The following DHX33 variants were observed in gnomAD, a reference collection of about 807,000 sequenced individuals.
DHX33 encodes ATP-dependent RNA helicase DHX33.
A neutral mutation model predicts 72.5 loss-of-function variants in DHX33; 42 were observed. That is an observed-to-expected ratio of 0.58 (90% CI 0.45 to 0.75). The LOEUF (loss-of-function observed/expected upper bound fraction) is 0.75. DHX33 is among the 30% of genes least tolerant of loss of function. DHX33 has a pLI of 0.00. For missense variants in DHX33, 842 were observed against 917.5 expected (o/e 0.92, Z 1.06); for synonymous variants, 358 against 366.1 (o/e 0.98, Z 0.25).
At chr17:5,462,569 C>A in intron 2 of DHX33, 23 bp from the exon 3 acceptor site, 1 of 1,586,858 alleles carries the variant, frequency 6.3e-7, no homozygotes, top group East Asian at 2.2e-5. Flanking sequence ...ACAATTTATT[C>A]AGTCACCAAA....
chr17:5,463,744 G>A, intron 1 of DHX33, 55 bp from the exon 2 acceptor site: 13 of 1,508,308 alleles, frequency 8.6e-6, no homozygotes, highest in South Asian at 2.5e-5. Context: ...ACTGGGGCTC[G>A]GCACCAGGGC....
rs1916419095 is a variant in DHX33 at position 5,441,068 on chromosome 17, A to G, written c.*3137T>C. 6.6e-6 allele frequency: 1 copy of G among 151,860 alleles called. No individual in the cohort carries two copies. The highest frequency in any genetic ancestry group is 1.5e-5 in the Non-Finnish European group (1 of 67,952). 9.4% of individuals were successfully genotyped at this position (151,860 alleles called of 1,614,324 possible). On this transcript the variant is annotated 3_prime_UTR_variant, in exon 12 of 12. Coordinates refer to ENST00000225296, the MANE Select transcript of DHX33 (RefSeq NM_020162.4). ...CTACTTGATTTTTTTTTCTCCCTCT[A>G]GTTACCAAGGAATATCGTATCTCAG...
intron 1 of DHX33, 41 bp from the exon 2 acceptor site, chr17:5,463,730 GC>G: frequency 6.5e-7 from 1 of 1,544,802 alleles, no homozygotes; most frequent in African/African-American, 1.4e-5. Flanking sequence ...TCACTGAAAT[GC>G]AAACTGGGGC....
At chr17:5,451,364 C>T (rs750383986) in intron 8 of DHX33, among the ~76,000 whole-genome samples, 3 of 152,192 alleles carry the variant, frequency 2.0e-5, no homozygotes, top group Non-Finnish European at 4.4e-5. Context: ...CTTGACCTCC[C>T]AAAGTGCTAG....
rs1259768969 is a variant in DHX33, at chr17:5,468,905, G to GC, written c.-47dup. On this transcript the variant is annotated 5_prime_UTR_variant, in exon 1 of 12. Transcript: ENST00000225296. ...GGAGGCGCAAGCGCCGAGAGCTCCT[G>GC]CCCCCTCTCAGGTGCAGACAACAGG... The GC allele has an allele frequency of 2.6e-6, 4 of 1,546,520 alleles. No homozygotes were observed. The highest frequency in any genetic ancestry group is 3.5e-6 in the Non-Finnish European group (4 of 1,145,400).
At position 5,444,264 on chromosome 17, in the gene DHX33, A is replaced by G. The variant is rs1248580883; in HGVS notation, c.2065T>C (p.Trp689Arg). Reference sequence around the variant, plus strand: ...TACTCAGGGGCAGCCTCGTACAGCCACTGTGCATCTATGACGCAGAGGTCC... The same window carrying G: ...TACTCAGGGGCAGCCTCGTACAGCCGCTGTGCATCTATGACGCAGAGGTCC... The part of the protein sequence containing the change: ...MRDLCVIDAQ[W>R]LYEAAPEYFR... The change falls in exon 12 of 12, where the codon TGG becomes CGG. Residue 689 changes from tryptophan to arginine, a missense_variant. Coordinates refer to ENST00000225296, the MANE Select transcript of DHX33 (RefSeq NM_020162.4). The surrounding 1 kb of genome is among the most constrained non-coding windows in gnomAD (Gnocchi z 4.9). 1.2e-6 allele frequency: 2 copies of G among 1,614,214 alleles called. No homozygotes were observed. Among genetic ancestry groups the G allele is most frequent in the Non-Finnish European group, 1.7e-6 (2 of 1,180,028 alleles).
In DHX33 at chr17:5,453,407, GTATC is replaced by G. The variant is rs532354638; in HGVS notation, c.1396+169_1396+172del. Among the ~76,000 whole-genome samples the G allele has an allele frequency of 4.8e-3, 734 of 152,238 alleles. 8 individuals are homozygous for G. Among genetic ancestry groups the G allele is most frequent in the African/African-American group, 0.016 (676 of 41,550 alleles). ...CCTGTCTCTTTAAAAGTCAATCAATGTATCTATCTATCATTTCATGATTTTCAGA... is the reference window on the plus strand; with the variant it reads ...CCTGTCTCTTTAAAAGTCAATCAATGTATCTATCATTTCATGATTTTCAGA... On this transcript the variant is annotated intron_variant, in intron 8 of 11. Transcript: ENST00000225296.
rs377645589 is a variant in DHX33 at position 5,442,250 on chromosome 17, A to ATTTTTTTTTTTTTTTTTTTTTT, written c.*1933_*1954dup. 2 of 121,822 alleles carry ATTTTTTTTTTTTTTTTTTTTTT rather than the reference A, an allele frequency of 1.6e-5. No homozygotes were observed. Among genetic ancestry groups the ATTTTTTTTTTTTTTTTTTTTTT allele is most frequent in the Non-Finnish European group, 1.7e-5 (1 of 58,566 alleles). The allele number at this position is 121,822 out of a possible 1,614,324, so 7.5% of individuals were successfully genotyped here. A position where few individuals can be genotyped will look rare whatever the true frequency, so the allele number is the denominator to read the frequency against. On this transcript the variant is annotated 3_prime_UTR_variant, in exon 12 of 12. Coordinates refer to ENST00000225296, the MANE Select transcript of DHX33 (RefSeq NM_020162.4). ...AGCCACTGCGCCCGGCCACCCCCCA[A>ATTTTTTTTTTTTTTTTTTTTTT]TTTTTTTTTTTTTTTTTTTTTTTTT...
At chr17:5,452,464 C>T (rs1045091053) in intron 8 of DHX33, among the ~76,000 whole-genome samples, 4 of 152,166 alleles carry the variant, frequency 2.6e-5, no homozygotes, top group African/African-American at 7.2e-5. Context: ...CACCTGAACC[C>T]GGCAGGTGGA....
rs377645589 is a variant in DHX33 at position 5,442,250 on chromosome 17, A to AT, written c.*1954dup. On this transcript the variant is annotated 3_prime_UTR_variant, in exon 12 of 12. Transcript: ENST00000225296. ...AGCCACTGCGCCCGGCCACCCCCCA[A>AT]TTTTTTTTTTTTTTTTTTTTTTTTT... The AT allele has an allele frequency of 0.13, 16,072 of 121,722 alleles. 1,048 individuals carry two copies. Among genetic ancestry groups the AT allele is most frequent in the Non-Finnish European group, 0.15 (9,050 of 58,524 alleles). The allele number at this position is 121,722 out of a possible 1,614,324, so 7.5% of individuals were successfully genotyped here.
rs1597359993 is a variant in DHX33 at position 5,455,640 on chromosome 17, A to ATGTCATC, written c.1035+356_1035+357insGATGACA. On this transcript the variant is annotated intron_variant, in intron 5 of 11. Transcript: ENST00000225296. ...ATCATAACCTGCCTTGCCGGTTCCCACGAGGATGACAGACAGTGGATATAA... is the reference window on the plus strand; with the variant it reads ...ATCATAACCTGCCTTGCCGGTTCCCATGTCATCCGAGGATGACAGACAGTGGATATAA... 2.0e-5 allele frequency among the ~76,000 whole-genome samples: 3 copies of ATGTCATC among 152,272 alleles called. No homozygotes were observed. In the East Asian group the frequency reaches 5.8e-4, roughly 29 times the overall value.
At position 5,468,618 on chromosome 17, in the gene DHX33, C is replaced by T; in HGVS notation, c.242G>A (p.Gly81Glu). The change falls in exon 1 of 12, where the codon GGG becomes GAG. Residue 81 changes from glycine to glutamate, a missense_variant. Transcript: ENST00000225296. ...RRSLPIFQAR[G>E]QLLAQLRNLD... ...GTTTCGGAGCTGGGCCAACAGTTGC[C>T]CCCGCGCTTGGAAGATGGGCAGACT... is the stretch of plus-strand genomic sequence containing the variant. The T allele has an allele frequency of 6.2e-7, 1 of 1,610,654 alleles. No individual in the cohort carries two copies. Among genetic ancestry groups the T allele is most frequent in the Non-Finnish European group, 8.5e-7 (1 of 1,179,124 alleles).
chr17:5,463,992 G>A (rs1367786868), intron 1 of DHX33, among the ~76,000 whole-genome samples: 1 of 151,986 alleles, frequency 6.6e-6, no homozygotes, highest in Non-Finnish European at 1.5e-5. Flanking sequence ...ATGCCAGCCT[G>A]GGAGATAGTG....
Position 5,463,626 on chromosome 17 carries a change from C to T in DHX33, c.353G>A (p.Arg118His), listed in dbSNP as rs140157948. 126 of 1,613,728 alleles carry T rather than the reference C, an allele frequency of 7.8e-5. No homozygotes were observed. In the African/African-American group the frequency reaches 1.1e-3, roughly 14 times the overall value. ...PQYLYEGGISRQGIIAVTQPR... is the reference protein window; with the variant it reads ...PQYLYEGGISHQGIIAVTQPR... ...CTGGGTCACAGCAATGATGCCCTGG[C>T]GGCTGATCCCTCCTTCATACAGGTA... Residue 118 changes from arginine to histidine, a missense_variant, in exon 2 of 12, where the codon CGC (arginine) becomes CAC (histidine). Physicochemically the swap from Arg to His is conservative, Grantham distance 29. Coordinates refer to ENST00000225296, the MANE Select transcript of DHX33 (RefSeq NM_020162.4).
In DHX33 at chr17:5,444,550, A is replaced by G; in HGVS notation, c.1816-37T>C. 6.3e-7 allele frequency: 1 copy of G among 1,589,958 alleles called. No individual in the cohort carries two copies. Among genetic ancestry groups the G allele is most frequent in the Non-Finnish European group, 8.6e-7 (1 of 1,167,802 alleles). On this transcript the variant is annotated intron_variant, in intron 11 of 11. Transcript: ENST00000225296. This position sits in a 1 kb window ranked among gnomAD's most constrained non-coding sequence, Gnocchi z 4.9. ...GAAAGCGAGGAATGGAGCCGACCCC[A>G]CACGTAAACACTGGTCAGCACTACA...
At chr17:5,463,388 T>C in intron 2 of DHX33, 141 bp downstream of exon 2, 1 of 863,480 alleles carries the variant, frequency 1.2e-6, no homozygotes, top group Non-Finnish European at 1.8e-6. Flanking sequence ...TCTCAGGAGC[T>C]GGTAAAGAAC....
intron 2 of DHX33, 86 bp from the exon 3 acceptor site, chr17:5,462,632 A>G: frequency 1.1e-6 from 1 of 920,132 alleles, no homozygotes; most frequent in South Asian, 1.4e-5. Flanking sequence ...TTGCACTACC[A>G]CAGTGAACAA....
intron 6 of DHX33, 61 bp from the exon 7 acceptor site, chr17:5,454,041 C>T (rs541320157): frequency 2.7e-5 from 42 of 1,572,138 alleles, no homozygotes; most frequent in Middle Eastern, 3.7e-4. Context: ...TCTACAGTGT[C>T]GATAAAAAGA....
Position 5,460,985 on chromosome 17 carries a change from T to A in DHX33, c.803A>T (p.Asn268Ile). Residue 268 changes from asparagine (N) to isoleucine (I), a missense_variant, in exon 4 of 12, where the codon AAT (asparagine) becomes ATT (isoleucine). Physicochemically the swap from Asn to Ile is moderately radical, Grantham distance 149 (BLOSUM62 -3). Transcript: ENST00000225296. ...GACAAGCGCGGCGTGCAGGTAATCATTCTGAGGCTGTTTGGTGTAAAACAC... is the reference window on the plus strand; with the variant it reads ...GACAAGCGCGGCGTGCAGGTAATCAATCTGAGGCTGTTTGGTGTAAAACAC... ...IQVFYTKQPQ[N>I]DYLHAALVSV... is the part of the protein sequence containing the mutation. 1 of 1,614,082 alleles carries A rather than the reference T, an allele frequency of 6.2e-7. No individual in the cohort carries two copies. The highest frequency in any genetic ancestry group is 8.5e-7 in the Non-Finnish European group (1 of 1,179,962).
Sources: gnomAD v4.1 joint callset for allele counts (sites outside exome capture counted in the v4.1 genomes callset) on GRCh38, gnomAD v4.1.1 for gene constraint, Gnocchi (gnomAD v3.1) non-coding constraint, MANE v1.5 for transcripts, NCBI Gene and HGNC (gene_info 2026-07-23, HGNC 2026-07-21) for gene names.